Variants in GRIN2B observed in about 807,000 individuals in gnomAD.
The protein encoded by GRIN2B is glutamate receptor ionotropic, NMDA 2B.
In GRIN2B, 5 loss-of-function variants were observed where a neutral mutation model predicts 114.5. The observed-to-expected ratio is 0.04, with a 90% CI of 0.02 to 0.09. The LOEUF (loss-of-function observed/expected upper bound fraction) is 0.09, where lower values mean the gene tolerates loss of function less well. Among genes scored for constraint, GRIN2B ranks in the 10% least tolerant of loss-of-function variants. The pLI is 1.00. For missense variants in GRIN2B, 1,108 were observed against 1,943.5 expected, an observed-to-expected ratio of 0.57 and a Z score of 8.08; for synonymous variants, 787 against 745.1, an observed-to-expected ratio of 1.06 and a Z score of -0.92.
At chr12:13,665,165 G>T (rs1253897902) in intron 5 of GRIN2B, among the ~76,000 whole-genome samples, 1 of 23,644 alleles carries the variant, frequency 4.2e-5, no homozygotes, top group African/African-American at 9.2e-5. Flanking sequence ...GTGTGTGTGT[G>T]TTTGTGTGTG....
chr12:13,607,483 A>C (rs1268302702), intron 10 of GRIN2B, among the ~76,000 whole-genome samples: 1 of 110,588 alleles, frequency 9.0e-6, no homozygotes, highest in Non-Finnish European at 1.7e-5. Flanking sequence ...AAATATATAT[A>C]GTATCTTTTC....
At chr12:13,950,741 C>T (rs1182311043) in intron 2 of GRIN2B, among the ~76,000 whole-genome samples, 1 of 152,134 alleles carries the variant, frequency 6.6e-6, no homozygotes, top group East Asian at 1.9e-4. Context: ...CTGACTCATG[C>T]TTTGGGCACA....
chr12:13,862,137 A>T (rs754306325), intron 3 of GRIN2B, among the ~76,000 whole-genome samples: 1 of 152,164 alleles, frequency 6.6e-6, no homozygotes, highest in Non-Finnish European at 1.5e-5. Flanking sequence ...TCTTTCCACC[A>T]TAATATAAAG....
rs74065141 is a variant in GRIN2B at position 13,594,688 on chromosome 12, G to A, written c.2010+13915C>T. Among the ~76,000 whole-genome samples the A allele has an allele frequency of 3.2e-3, 475 of 147,452 alleles. 3 individuals are homozygous for A. The highest frequency in any genetic ancestry group is 0.011 in the African/African-American group (441 of 40,568). On this transcript the variant is annotated intron_variant, in intron 10 of 13. Coordinates refer to ENST00000609686, the MANE Select transcript of GRIN2B (RefSeq NM_000834.5). ...TAAAGTATTAAAAAAAAAAAAAGCCGCTCACATGGAGGTGCCAGTAGTGCC... is the reference window on the plus strand; with the variant it reads ...TAAAGTATTAAAAAAAAAAAAAGCCACTCACATGGAGGTGCCAGTAGTGCC...
chr12:13,668,589 G>A (rs140488601), intron 5 of GRIN2B, among the ~76,000 whole-genome samples: 78 of 152,168 alleles, frequency 5.1e-4, no homozygotes, highest in Middle Eastern at 6.8e-3. Flanking sequence ...GGATGTGAGG[G>A]TCTGCACTAA....
chr12:13,936,236 T>C lies in GRIN2B; in HGVS notation c.-19+43692A>G, dbSNP rs1867128626. Among the ~76,000 whole-genome samples the C allele has an allele frequency of 1.3e-5, 2 of 152,204 alleles. 1 individual carries two copies. Among genetic ancestry groups the C allele is most frequent in the Non-Finnish European group, 2.9e-5 (2 of 68,042 alleles). On this transcript the variant is annotated intron_variant, in intron 2 of 13. Transcript: ENST00000609686. ...AACGCAGTTACTAGAGGTTGAGCAC[T>C]GGTGGGGAAAGAGAAGTGCTGGAGC...
intron 2 of GRIN2B, among the ~76,000 whole-genome samples, chr12:13,965,094 G>T (rs1039545205): frequency 6.6e-6 from 1 of 152,060 alleles, no homozygotes; most frequent in Non-Finnish European, 1.5e-5. Flanking sequence ...AGAATCTCAG[G>T]ATAAGCCAGA....
At chr12:13,672,662 C>T (rs1243900840) in intron 5 of GRIN2B, among the ~76,000 whole-genome samples, 1 of 152,188 alleles carries the variant, frequency 6.6e-6, no homozygotes, top group Non-Finnish European at 1.5e-5. Context: ...TCAATGAACA[C>T]TAGACATCTA....
At chr12:13,762,186 G>T (rs1048939687) in intron 3 of GRIN2B, among the ~76,000 whole-genome samples, 2 of 152,052 alleles carry the variant, frequency 1.3e-5, no homozygotes, top group Admixed American at 6.6e-5. Flanking sequence ...TGTATTTTTA[G>T]TAAAGACGGG....
chr12:13,910,794 G>T (rs2136798871), intron 2 of GRIN2B, among the ~76,000 whole-genome samples: 1 of 152,240 alleles, frequency 6.6e-6, no homozygotes, highest in East Asian at 1.9e-4. Context: ...ATTGTGGTTT[G>T]CATCTTTCAT....
chr12:13,761,879 T>C (rs1489745790), intron 3 of GRIN2B, among the ~76,000 whole-genome samples: 1 of 152,226 alleles, frequency 6.6e-6, no homozygotes, highest in Non-Finnish European at 1.5e-5. Flanking sequence ...AATTAAGTAG[T>C]AGCGTTATCA....
At chr12:13,741,828 T>G (rs1426008596) in intron 4 of GRIN2B, among the ~76,000 whole-genome samples, 2 of 152,226 alleles carry the variant, frequency 1.3e-5, no homozygotes, top group Non-Finnish European at 2.9e-5. Context: ...ATTACAGGTG[T>G]GAGCCACCTC....
chr12:13,957,705 G>A (rs1347327550), intron 2 of GRIN2B, among the ~76,000 whole-genome samples: 3 of 152,180 alleles, frequency 2.0e-5, no homozygotes, highest in Admixed American at 1.3e-4. Flanking sequence ...ACCCAGTGCC[G>A]ACTCCCCAGC....
At chr12:13,955,129 T>C (rs1867567144) in intron 2 of GRIN2B, among the ~76,000 whole-genome samples, 1 of 152,140 alleles carries the variant, frequency 6.6e-6, no homozygotes, top group African/African-American at 2.4e-5. Flanking sequence ...TTTAAGATAT[T>C]TGAAGTAAAT....
At chr12:13,932,026 A>C (rs1490080956) in intron 2 of GRIN2B, among the ~76,000 whole-genome samples, 1 of 152,244 alleles carries the variant, frequency 6.6e-6, no homozygotes, top group African/African-American at 2.4e-5. Context: ...TCACACTTAG[A>C]ATAAAATGAC....
intron 5 of GRIN2B, among the ~76,000 whole-genome samples, chr12:13,667,342 C>G (rs907785952): frequency 6.6e-6 from 1 of 152,146 alleles, no homozygotes; most frequent in Non-Finnish European, 1.5e-5. Flanking sequence ...CAGCCTTCCA[C>G]CAGACTGCAT....
intron 2 of GRIN2B, among the ~76,000 whole-genome samples, chr12:13,917,395 C>G (rs1376665554): frequency 6.6e-6 from 1 of 152,176 alleles, no homozygotes; most frequent in East Asian, 1.9e-4. Context: ...CCAGTGGGAG[C>G]TGGAGACCCT....
chr12:13,879,469 C>A (rs1044442858), intron 2 of GRIN2B, among the ~76,000 whole-genome samples: 1 of 150,112 alleles, frequency 6.7e-6, no homozygotes, highest in Non-Finnish European at 1.5e-5. Flanking sequence ...AAATATATAA[C>A]GTTAACTTTG....
At position 13,564,100 on chromosome 12, in the gene GRIN2B, G is replaced by A. The variant is rs751021224; in HGVS notation, c.3138C>T (p.Ser1046=). ...SDLYGKFSFK[S]DRYSGHDDLI... ...AGTCGTCGTGGCCACTGTAGCGGTC[G>A]CTCTTGAAGGAGAATTTGCCGTACA... Residue 1046 remains serine, a synonymous_variant, in exon 14 of 14, where the codon AGC becomes AGT. Coordinates refer to ENST00000609686, the MANE Select transcript of GRIN2B (RefSeq NM_000834.5). This position sits in a 1 kb window ranked among gnomAD's most constrained non-coding sequence, Gnocchi z 4.8. 6 of 1,614,154 alleles carry A rather than the reference G, an allele frequency of 3.7e-6. No homozygotes were observed. Among genetic ancestry groups the A allele is most frequent in the East Asian group, 2.2e-5 (1 of 44,860 alleles).
Sources: gnomAD v4.1 joint callset for allele counts (sites outside exome capture counted in the v4.1 genomes callset) on GRCh38, gnomAD v4.1.1 for gene constraint, Gnocchi (gnomAD v3.1) non-coding constraint, MANE v1.5 for transcripts, NCBI Gene and HGNC (gene_info 2026-07-23, HGNC 2026-07-21) for gene names.